Variants in TMC7 observed in about 807,000 individuals in gnomAD.
TMC7 encodes transmembrane channel like 7.
A neutral mutation model predicts 82.9 loss-of-function variants in TMC7; 54 were observed. The observed-to-expected ratio is 0.65, with a 90% CI of 0.52 to 0.82. The LOEUF (loss-of-function observed/expected upper bound fraction) is 0.82. Among genes scored for constraint, TMC7 ranks in the 40% least tolerant of loss-of-function variants. The pLI, the probability that TMC7 is intolerant of heterozygous loss-of-function variation, is 0.00. For synonymous variants in TMC7, 350 were observed against 337.9 expected, an observed-to-expected ratio of 1.04 and a Z score of -0.39; for missense variants, 820 against 901.2, an observed-to-expected ratio of 0.91 and a Z score of 1.15.
chr16:19,010,859 CGG>C (rs1483312104), intron 2 of TMC7, among the ~76,000 whole-genome samples: 8 of 152,154 alleles, frequency 5.3e-5, no homozygotes, highest in African/African-American at 1.9e-4. Flanking sequence ...CAGGATAGCT[CGG>C]GTTTGTTTGC....
At chr16:19,035,030 C>A (rs939245186) in intron 6 of TMC7, among the ~76,000 whole-genome samples, 1 of 152,080 alleles carries the variant, frequency 6.6e-6, no homozygotes, top group Non-Finnish European at 1.5e-5. Flanking sequence ...AACCTAGGTG[C>A]CCATCAATGG....
chr16:19,042,822 C>T (rs1449722901), intron 9 of TMC7, among the ~76,000 whole-genome samples: 2 of 152,016 alleles, frequency 1.3e-5, no homozygotes, highest in African/African-American at 4.8e-5. Flanking sequence ...TCTCGGCTCA[C>T]TGCAAGCTCC....
chr16:19,061,574 C>T (rs1002528579), intron 15 of TMC7, among the ~76,000 whole-genome samples: 5 of 152,324 alleles, frequency 3.3e-5, no homozygotes, highest in Admixed American at 6.5e-5. Context: ...CATGAGCCAC[C>T]GTGTCCAGCT....
At chr16:19,052,134 G>A (rs1021224117) in intron 13 of TMC7, among the ~76,000 whole-genome samples, 2 of 152,100 alleles carry the variant, frequency 1.3e-5, no homozygotes, top group African/African-American at 2.4e-5. Flanking sequence ...GTTTCGCCAC[G>A]TTGGCCAGGC....
chr16:19,006,721 C>T (rs565561809), intron 1 of TMC7, among the ~76,000 whole-genome samples: 2 of 152,344 alleles, frequency 1.3e-5, no homozygotes, highest in South Asian at 2.1e-4. Flanking sequence ...AGCCCGCTTG[C>T]ACTGCTGCCT....
intron 5 of TMC7, among the ~76,000 whole-genome samples, chr16:19,025,852 TTAAGCCATCCTTTCAC>T (rs1298404293): frequency 3.3e-5 from 5 of 151,906 alleles, no homozygotes; most frequent in Admixed American, 6.6e-5. Context: ...CCTCCTAGGC[TTAAGCCATCCTTTCAC>T]CTCAAGCCTC....
At chr16:18,994,163 G>A (rs1414164771) in intron 1 of TMC7, among the ~76,000 whole-genome samples, 2 of 152,094 alleles carry the variant, frequency 1.3e-5, no homozygotes, top group Middle Eastern at 3.2e-3. Flanking sequence ...TATACCTGAA[G>A]GAGCTGGGGG....
intron 13 of TMC7, among the ~76,000 whole-genome samples, chr16:19,056,277 G>A (rs111379451): frequency 1.2e-4 from 18 of 151,876 alleles, no homozygotes; most frequent in African/African-American, 4.1e-4. Context: ...GTAGAGATGG[G>A]GTTTCACCAC....
At chr16:19,010,397 G>A (rs954511996) in intron 2 of TMC7, among the ~76,000 whole-genome samples, 103 of 151,946 alleles carry the variant, frequency 6.8e-4, no homozygotes, top group African/African-American at 2.4e-3. Context: ...CAGGTGATCC[G>A]CCCGCCTTGG....
chr16:19,004,769 C>T (rs951948474), intron 1 of TMC7, among the ~76,000 whole-genome samples: 1 of 152,162 alleles, frequency 6.6e-6, no homozygotes, highest in Admixed American at 6.6e-5. Flanking sequence ...GTGATGGGTT[C>T]CTAGTTCCAA....
chr16:19,050,839 T>A (rs964050338), intron 12 of TMC7, among the ~76,000 whole-genome samples: 1 of 152,082 alleles, frequency 6.6e-6, no homozygotes, highest in Non-Finnish European at 1.5e-5. Flanking sequence ...TCATGCTATA[T>A]AGATGTACTT....
intron 9 of TMC7, among the ~76,000 whole-genome samples, chr16:19,041,102 T>C (rs986508583): frequency 1.2e-4 from 18 of 151,908 alleles, no homozygotes; most frequent in South Asian, 4.2e-4. Flanking sequence ...TTGTTATGTT[T>C]CCCAGGCTGG....
At chr16:19,042,863 C>T (rs1183712531) in intron 9 of TMC7, among the ~76,000 whole-genome samples, 1 of 152,108 alleles carries the variant, frequency 6.6e-6, no homozygotes, top group Non-Finnish European at 1.5e-5. Flanking sequence ...TCTCCTGCCT[C>T]AGCCTCCCAA....
chr16:19,003,739 C>T (rs2039184480), intron 1 of TMC7, among the ~76,000 whole-genome samples: 1 of 88,606 alleles, frequency 1.1e-5, no homozygotes, highest in African/African-American at 4.4e-5. Flanking sequence ...TACCCCCAAC[C>T]CTGTGCTCTC....
chr16:19,010,922 G>C (rs1014541885), intron 2 of TMC7, among the ~76,000 whole-genome samples: 7 of 152,078 alleles, frequency 4.6e-5, no homozygotes, highest in African/African-American at 1.7e-4. Flanking sequence ...AGAACCTCTT[G>C]GGACTAGGCT....
At chr16:19,050,348 CAG>C (rs1462318211) in intron 12 of TMC7, among the ~76,000 whole-genome samples, 2 of 103,596 alleles carry the variant, frequency 1.9e-5, no homozygotes, top group Non-Finnish European at 1.7e-5. Context: ...GCCTGGGAGA[CAG>C]AGCGAGATTC....
At chr16:19,013,186 C>T (rs538054630) in intron 2 of TMC7, among the ~76,000 whole-genome samples, 27 of 152,132 alleles carry the variant, frequency 1.8e-4, no homozygotes, top group Non-Finnish European at 3.7e-4. Context: ...CCACTCCACC[C>T]TCTGAGGCAA....
intron 8 of TMC7, among the ~76,000 whole-genome samples, chr16:19,038,811 C>T (rs1960877550): frequency 6.6e-6 from 1 of 152,200 alleles, no homozygotes; most frequent in South Asian, 2.1e-4. Flanking sequence ...AGCCACCGCA[C>T]CTGGCCTTAG....
intron 9 of TMC7, among the ~76,000 whole-genome samples, chr16:19,040,732 G>A (rs776678812): frequency 6.6e-6 from 1 of 152,134 alleles, no homozygotes; most frequent in Admixed American, 6.6e-5. Flanking sequence ...TGTCAGAAAT[G>A]ACAGCTATAA....
Sources: gnomAD v4.1 joint callset for allele counts (sites outside exome capture counted in the v4.1 genomes callset) on GRCh38, gnomAD v4.1.1 for gene constraint, MANE v1.5 for transcripts, NCBI Gene and HGNC (gene_info 2026-07-23, HGNC 2026-07-21) for gene names.